The following RBMS3 variants were observed in gnomAD, a reference collection of about 807,000 sequenced individuals.
RBMS3 encodes the protein RNA binding motif single stranded interacting protein 3.
RBMS3 carries 27 observed loss-of-function variants against 66.8 expected under a neutral mutation model. The ratio of observed to expected loss-of-function variants is 0.40; its 90% confidence interval spans 0.30 to 0.56. The LOEUF is 0.56. RBMS3 is among the 20% of genes least tolerant of loss of function. The probability of loss-of-function intolerance (pLI) is 0.40; values close to 1 mark genes in which losing one functional copy is unlikely to be tolerated. For synonymous variants in RBMS3, 188 were observed against 183.0 expected, an observed-to-expected ratio of 1.03 and a Z score of -0.22; for missense variants, 513 against 549.5, an observed-to-expected ratio of 0.93 and a Z score of 0.66.
chr3:29,503,838 G>A (rs1402903472), intron 3 of RBMS3, among the ~76,000 whole-genome samples: 1 of 152,036 alleles, frequency 6.6e-6, no homozygotes, highest in Admixed American at 6.6e-5. Context: ...TATGTGGCAT[G>A]GCATCCCTGT....
chr3:29,589,224 T>C (rs1365526984), intron 4 of RBMS3, among the ~76,000 whole-genome samples: 2 of 152,058 alleles, frequency 1.3e-5, no homozygotes, highest in Non-Finnish European at 2.9e-5. Flanking sequence ...CTCTCTCTCT[T>C]ACCCACTCCC....
chr3:29,836,800 T>TAC (rs1326443444), intron 6 of RBMS3, among the ~76,000 whole-genome samples: 3 of 151,510 alleles, frequency 2.0e-5, no homozygotes, highest in Admixed American at 1.3e-4. Context: ...TATATATATA[T>TAC]ATCTGAAAAC....
chr3:29,519,182 C>G (rs879811021), intron 3 of RBMS3, among the ~76,000 whole-genome samples: 2 of 152,126 alleles, frequency 1.3e-5, no homozygotes, highest in African/African-American at 2.4e-5. Flanking sequence ...GATGTGTTAC[C>G]TCAGCATTTA....
At position 29,640,284 on chromosome 3, in the gene RBMS3, A is replaced by ACC. The variant is rs1553635421; in HGVS notation, c.399+53081_399+53082dup. Among the ~76,000 whole-genome samples the ACC allele has an allele frequency of 3.0e-4, 41 of 138,078 alleles. 2 individuals carry two copies. The highest frequency in any genetic ancestry group is 9.8e-4 in the African/African-American group (37 of 37,572). 90.6% of individuals were successfully genotyped at this position (138,078 alleles called of 152,430 possible). ...CACACACACACACACACACACACACACCCACACACACACGAAAGACGGAAA... is the reference window on the plus strand; with the variant it reads ...CACACACACACACACACACACACACACCCCCACACACACACGAAAGACGGAAA... On this transcript the variant is annotated intron_variant, in intron 4 of 14. Transcript: ENST00000383767.
chr3:29,713,966 G>A (rs971368192), intron 4 of RBMS3, among the ~76,000 whole-genome samples: 1 of 151,996 alleles, frequency 6.6e-6, no homozygotes, highest in Non-Finnish European at 1.5e-5. Context: ...GAGGTGGAAG[G>A]ATTGCTTAAA....
chr3:29,558,098 G>A (rs1363217573), intron 3 of RBMS3, among the ~76,000 whole-genome samples: 2 of 152,108 alleles, frequency 1.3e-5, no homozygotes, highest in African/African-American at 2.4e-5. Flanking sequence ...AGGAGGTGCC[G>A]AGGGAGTCCA....
intron 6 of RBMS3, among the ~76,000 whole-genome samples, chr3:29,794,461 C>G (rs2057115802): frequency 6.6e-6 from 1 of 152,232 alleles, no homozygotes; most frequent in South Asian, 2.1e-4. Context: ...TGGCGGGCGC[C>G]TGTAGTCCCA....
intron 6 of RBMS3, among the ~76,000 whole-genome samples, chr3:29,814,369 T>C (rs2057815996): frequency 6.6e-6 from 1 of 152,236 alleles, no homozygotes; most frequent in Non-Finnish European, 1.5e-5. Flanking sequence ...GATGTGCTGC[T>C]GGATTCGGTT....
intron 4 of RBMS3, among the ~76,000 whole-genome samples, chr3:29,597,100 A>G (rs2047970619): frequency 6.6e-6 from 1 of 152,108 alleles, no homozygotes. Context: ...AAGACCAATA[A>G]CTCTTATATT....
chr3:29,475,246 C>CTTTTCTTT (rs1244766703), intron 2 of RBMS3, among the ~76,000 whole-genome samples: 1 of 149,206 alleles, frequency 6.7e-6, no homozygotes, highest in East Asian at 2.0e-4. Context: ...AGTTTCTTTT[C>CTTTTCTTT]TTTTCTTTTT....
intron 1 of RBMS3, among the ~76,000 whole-genome samples, chr3:29,427,436 C>A (rs1160686135): frequency 2.0e-5 from 3 of 152,184 alleles, no homozygotes; most frequent in Non-Finnish European, 4.4e-5. Flanking sequence ...CAGTTCTTAT[C>A]GTGTCCACTC....
chr3:29,554,523 A>G (rs2046280772), intron 3 of RBMS3, among the ~76,000 whole-genome samples: 1 of 152,236 alleles, frequency 6.6e-6, no homozygotes, highest in South Asian at 2.1e-4. Flanking sequence ...ATGGAAGTAA[A>G]TAAGTATCCA....
chr3:29,625,301 T>A (rs2049019352), intron 4 of RBMS3, among the ~76,000 whole-genome samples: 1 of 152,180 alleles, frequency 6.6e-6, no homozygotes, highest in Admixed American at 6.5e-5. Flanking sequence ...ACAGTTATTT[T>A]TTTATATTTC....
intron 4 of RBMS3, among the ~76,000 whole-genome samples, chr3:29,702,735 G>C (rs920527310): frequency 2.0e-5 from 3 of 151,998 alleles, no homozygotes; most frequent in Non-Finnish European, 4.4e-5. Flanking sequence ...AACACTCACC[G>C]TGAAGGTCTG....
chr3:29,487,575 A>C (rs1339779614), intron 2 of RBMS3, among the ~76,000 whole-genome samples: 1 of 152,036 alleles, frequency 6.6e-6, no homozygotes, highest in African/African-American at 2.4e-5. Flanking sequence ...GGCTGGAGAC[A>C]TTTTTATATA....
intron 1 of RBMS3, among the ~76,000 whole-genome samples, chr3:29,300,101 C>T (rs2033570579): frequency 6.6e-6 from 1 of 151,780 alleles, no homozygotes; most frequent in Non-Finnish European, 1.5e-5. Context: ...ATAATAACCA[C>T]GAGGGAGATA....
At chr3:29,618,683 C>T (rs960731958) in intron 4 of RBMS3, among the ~76,000 whole-genome samples, 1 of 151,972 alleles carries the variant, frequency 6.6e-6, no homozygotes, top group African/African-American at 2.4e-5. Flanking sequence ...GCTTTTTTCC[C>T]TTGTGATCCA....
chr3:29,588,595 T>C (rs1210483874), intron 4 of RBMS3, among the ~76,000 whole-genome samples: 1 of 152,128 alleles, frequency 6.6e-6, no homozygotes. Context: ...GGTGAACTCA[T>C]TGTCCTTTAT....
chr3:29,960,242 G>T (rs2149734072), intron 12 of RBMS3, among the ~76,000 whole-genome samples: 1 of 152,272 alleles, frequency 6.6e-6, no homozygotes, highest in South Asian at 2.1e-4. Flanking sequence ...CCCCATGAAA[G>T]TTCAAAATCC....
Sources: gnomAD v4.1 joint callset for allele counts (sites outside exome capture counted in the v4.1 genomes callset) on GRCh38, gnomAD v4.1.1 for gene constraint, MANE v1.5 for transcripts, NCBI Gene and HGNC (gene_info 2026-07-23, HGNC 2026-07-21) for gene names.